The following TAS2R14 variants were observed in gnomAD, a reference collection of about 807,000 sequenced individuals.
TAS2R14 encodes the protein taste 2 receptor member 14.
For synonymous variants in TAS2R14, 131 were observed against 131.0 expected (o/e 1.00, Z 0.00); for missense variants, 383 against 372.0 (o/e 1.03, Z -0.24).
chr12:10,938,323 T>C, exon 1 of TAS2R14: 2 of 1,614,058 alleles, frequency 1.2e-6, no homozygotes, highest in Non-Finnish European at 1.7e-6. Flanking sequence ...TCAGCCACAG[T>C]AGCACTGACA....
At position 10,938,421 on chromosome 12, in the gene TAS2R14, T is replaced by C. The variant is rs768810336; in HGVS notation, c.787A>G (p.Ile263Val). ...GCCATTCCCATCACCTGGGAAAGAA[T>C]AATTAGATTTTCCTCCAACCTTTCA... The change falls in exon 1 of 1, where the codon ATT (isoleucine) becomes GTT (valine). Residue 263 changes from isoleucine (I) to valine (V), a missense_variant. Transcript: ENST00000537503. The C allele has an allele frequency of 1.9e-6, 3 of 1,613,992 alleles. No individual in the cohort carries two copies. The South Asian group carries it at 3.3e-5, about 18-fold the overall frequency.
chr12:10,938,430 T>C (rs762107197), exon 1 of TAS2R14: 2 of 1,613,964 alleles, frequency 1.2e-6, no homozygotes. Flanking sequence ...ATAATTAGAT[T>C]TTCCTCCAAC....
rs537181995 is a variant in TAS2R14 at position 10,937,901 on chromosome 12, T to G, written c.*353A>C. 279 of 174,242 alleles carry G rather than the reference T, an allele frequency of 1.6e-3. 2 individuals are homozygous for G. The highest frequency in any genetic ancestry group is 6.3e-3 in the African/African-American group (267 of 42,472). 10.8% of individuals were successfully genotyped at this position (174,242 alleles called of 1,614,324 possible). A position where few individuals can be genotyped will look rare whatever the true frequency, so the allele number is the denominator to read the frequency against. ...CTTTTATGTACTTTATCTACCAGATTGAGATGTAAGTTTAAGAAGCCTATT... is the reference window on the plus strand; with the variant it reads ...CTTTTATGTACTTTATCTACCAGATGGAGATGTAAGTTTAAGAAGCCTATT... On this transcript the variant is annotated 3_prime_UTR_variant, in exon 1 of 1. Transcript: ENST00000537503.
chr12:10,937,921 C>T, exon 1 of TAS2R14: 1 of 186,756 alleles, frequency 5.4e-6, no homozygotes, highest in East Asian at 1.3e-4. Context: ...GTTTAAGAAG[C>T]CTATTTTTAG....
At chr12:10,937,707 C>T (rs976385181) in exon 1 of TAS2R14, 1 of 152,208 alleles carries the variant, frequency 6.6e-6, no homozygotes, top group African/African-American at 2.4e-5. Flanking sequence ...ATATAATTTT[C>T]TATCTGCAAA....
exon 1 of TAS2R14, chr12:10,938,397 C>A: frequency 6.2e-7 from 1 of 1,614,002 alleles, no homozygotes; most frequent in Non-Finnish European, 8.5e-7. Flanking sequence ...GAAGGATAAG[C>A]CATTCCCATC....
At chr12:10,938,366 A>T in exon 1 of TAS2R14, 1 of 1,614,082 alleles carries the variant, frequency 6.2e-7, no homozygotes, top group Non-Finnish European at 8.5e-7. Context: ...GTTTCCAAGA[A>T]TCAGAACACA....
chr12:10,938,869 A>G (rs373618372), exon 1 of TAS2R14: 4 of 1,613,856 alleles, frequency 2.5e-6, no homozygotes, highest in Middle Eastern at 1.6e-4. Flanking sequence ...AGTTAGAAAA[A>G]TTGGCTATCT....
Position 10,938,988 on chromosome 12 carries a change from C to G in TAS2R14, c.220G>C (p.Ala74Pro), listed in dbSNP as rs1479161377. The change falls in exon 1 of 1, where the codon GCT becomes CCT. Residue 74 changes from alanine (A) to proline (P), a missense_variant. Coordinates refer to ENST00000537503, the Ensembl canonical transcript of TAS2R14. ...AACATTTTTTCAGTGGCAAATAAAG[C>G]TGGGAAAAACACAGACACACACCAG... 4 of 1,613,038 alleles carry G rather than the reference C, an allele frequency of 2.5e-6. No homozygotes were observed. The East Asian group carries it at 6.7e-5, about 27-fold the overall frequency.
chr12:10,938,486 GC>G lies in TAS2R14; in HGVS notation n.583del, dbSNP rs763455480. ...TATGAAAAAAGACAGAGAGAAAATG[GC>G]ATAGAGTAGGAAGAAAGTGATCACA... On this transcript the variant is annotated non_coding_transcript_exon_variant, in exon 5 of 5. Coordinates refer to the TAS2R14 transcript ENST00000381852. The G allele has an allele frequency of 8.1e-6, 13 of 1,613,906 alleles. No homozygotes were observed. The South Asian group carries it at 1.4e-4, about 18-fold the overall frequency.
exon 1 of TAS2R14, chr12:10,938,133 G>A (rs1195477212): frequency 3.5e-5 from 23 of 664,944 alleles, no homozygotes; most frequent in Non-Finnish European, 5.3e-5. Context: ...TTTGGATGGT[G>A]TTGATTCCAA....
In TAS2R14 at chr12:10,938,593, C is replaced by A. The variant is rs778773822; in HGVS notation, c.615G>T (p.Met205Ile). 8.7e-6 allele frequency: 14 copies of A among 1,613,742 alleles called. No individual in the cohort carries two copies. Among genetic ancestry groups the A allele is most frequent in the Non-Finnish European group, 1.2e-5 (14 of 1,179,918 alleles). The stretch of plus-strand genomic sequence containing the variant: ...GCTGCATCTTCTTGCGATGTTTCCA[C>A]ATGGAGAAGATGAGGAGAAGAAACA... The change falls in exon 1 of 1, where the codon ATG (methionine) becomes ATT (isoleucine). Residue 205 changes from methionine to isoleucine, a missense_variant. Physicochemically the swap from Met to Ile is conservative, Grantham distance 10 (BLOSUM62 1). Transcript: ENST00000537503.
exon 1 of TAS2R14, chr12:10,938,660 C>T (rs1179320273): frequency 6.2e-7 from 1 of 1,613,984 alleles, no homozygotes; most frequent in Non-Finnish European, 8.5e-7. Flanking sequence ...GAACACAGTG[C>T]TGGTTAATAC....
At position 10,938,109 on chromosome 12, in the gene TAS2R14, T is replaced by C. The variant is rs1039875520; in HGVS notation, c.*145A>G. The C allele has an allele frequency of 8.5e-6, 5 of 591,598 alleles. No individual in the cohort carries two copies. The African/African-American group carries it at 9.3e-5, about 11-fold the overall frequency. The allele number at this position is 591,598 out of a possible 1,614,324, so 36.6% of individuals were successfully genotyped here. The stretch of plus-strand genomic sequence containing the variant: ...GTAATATACATACTTTCATATATCC[T>C]AATTTGTGATATGTTTGGATGGTGT... On this transcript the variant is annotated 3_prime_UTR_variant, in exon 1 of 1. Transcript: ENST00000537503.
rs780481499 is a variant in TAS2R14, at chr12:10,938,884, A to T, written c.324T>A (p.Phe108Leu). 1.9e-6 allele frequency: 3 copies of T among 1,613,848 alleles called. No individual in the cohort carries two copies. In the African/African-American group the frequency reaches 4.0e-5, roughly 22 times the overall value. Reference sequence around the variant, plus strand: ...AGTTAGAAAAATTGGCTATCTTGAGAAAATAAAAAGTACCGAGGCCTGTAG... The same window carrying T: ...AGTTAGAAAAATTGGCTATCTTGAGTAAATAAAAAGTACCGAGGCCTGTAG... The change falls in exon 1 of 1, where the codon TTT becomes TTA. Residue 108 changes from phenylalanine (F) to leucine (L), a missense_variant. Phe to Leu is a conservative substitution (Grantham distance 22). Coordinates refer to ENST00000537503, the Ensembl canonical transcript of TAS2R14.
chr12:10,937,460 A>G (rs1950307396), exon 1 of TAS2R14: 1 of 152,096 alleles, frequency 6.6e-6, no homozygotes, highest in South Asian at 2.1e-4. Context: ...AAGATAGGAA[A>G]CAAATATTCT....
chr12:10,938,907 T>C (rs1481257497), exon 1 of TAS2R14: 2 of 1,613,882 alleles, frequency 1.2e-6, no homozygotes, highest in Non-Finnish European at 1.7e-6. Flanking sequence ...CCGAGGCCTG[T>C]AGCTAACCAG....
exon 1 of TAS2R14, chr12:10,938,787 A>G: frequency 6.2e-7 from 1 of 1,613,468 alleles, no homozygotes; most frequent in Non-Finnish European, 8.5e-7. Context: ...TTTAAAAACA[A>G]GAAGACCGAA....
rs755402197 is a variant in TAS2R14 at position 10,938,463 on chromosome 12, T to C, written c.745A>G (p.Ile249Val). The change falls in exon 1 of 1, where the codon ATA becomes GTA. Residue 249 changes from isoleucine to valine, a missense_variant. By Grantham distance (29) the Ile-to-Val change is conservative. Transcript: ENST00000537503. ...AACCTTTCAGAGGTCCAAACTGATA[T>C]GAAAAAAGACAGAGAGAAAATGGCA... 7 of 1,614,002 alleles carry C rather than the reference T, an allele frequency of 4.3e-6. No individual in the cohort carries two copies. In the South Asian group the frequency reaches 6.6e-5, roughly 15 times the overall value.
Sources: gnomAD v4.1 joint callset for allele counts on GRCh38, gnomAD v4.1.1 for gene constraint, MANE v1.5 for transcripts, NCBI Gene and HGNC (gene_info 2026-07-23, HGNC 2026-07-21) for gene names.